Variants in CADM1 observed in about 807,000 individuals in gnomAD.
The protein encoded by CADM1 is TSLC-1.
A neutral mutation model predicts 53.1 loss-of-function variants in CADM1; 15 were observed. That is an observed-to-expected ratio of 0.28 (90% CI 0.19 to 0.44). The LOEUF is 0.44. Among genes scored for constraint, CADM1 ranks in the 20% least tolerant of loss-of-function variants. The pLI is 1.00. For missense variants in CADM1, 434 were observed against 611.3 expected, an observed-to-expected ratio of 0.71 and a Z score of 3.06; for synonymous variants, 281 against 243.0, an observed-to-expected ratio of 1.16 and a Z score of -1.45.
At chr11:115,404,343 AAAAATATATATATATATAT>A (rs1488338301) in intron 1 of CADM1, among the ~76,000 whole-genome samples, 14 of 39,882 alleles carry the variant, frequency 3.5e-4, no homozygotes, top group African/African-American at 9.8e-4. Context: ...AAAAAAAAAA[AAAAATATATATATATATAT>A]ATATATATAT....
chr11:115,282,584 T>C (rs1943616849), intron 1 of CADM1, among the ~76,000 whole-genome samples: 1 of 152,192 alleles, frequency 6.6e-6, no homozygotes, highest in Non-Finnish European at 1.5e-5. Flanking sequence ...CATTCATTTC[T>C]AGGAAAGTGT....
In CADM1 at chr11:115,218,042, C is replaced by T. The variant is rs141329666; in HGVS notation, c.722-51G>A. 575 of 1,309,046 alleles carry T rather than the reference C, an allele frequency of 4.4e-4. No homozygotes were observed. In the African/African-American group the frequency reaches 7.6e-3, roughly 17 times the overall value. 81.1% of individuals were successfully genotyped at this position (1,309,046 alleles called of 1,614,324 possible). On this transcript the variant is annotated intron_variant, in intron 5 of 11. Transcript: ENST00000331581. ...ATGTTTAGCAAATGATATCATCAGGCAAAATCAGACTCACACACTGCCTCA... is the reference window on the plus strand; with the variant it reads ...ATGTTTAGCAAATGATATCATCAGGTAAAATCAGACTCACACACTGCCTCA...
At chr11:115,254,547 C>T (rs1157932791) in intron 1 of CADM1, among the ~76,000 whole-genome samples, 1 of 118,586 alleles carries the variant, frequency 8.4e-6, no homozygotes, top group Non-Finnish European at 1.7e-5. Context: ...GCAAGGGAGA[C>T]AAACACACAC....
chr11:115,349,306 A>G (rs1285695083), intron 1 of CADM1, among the ~76,000 whole-genome samples: 1 of 152,198 alleles, frequency 6.6e-6, no homozygotes, highest in East Asian at 1.9e-4. Context: ...TCCAGATTAC[A>G]TTTCATATGC....
At chr11:115,319,291 C>T (rs1483944162) in intron 1 of CADM1, among the ~76,000 whole-genome samples, 2 of 152,068 alleles carry the variant, frequency 1.3e-5, no homozygotes, top group Non-Finnish European at 2.9e-5. Context: ...CTTTGTCTTT[C>T]CTGCTGCCTA....
intron 1 of CADM1, chr11:115,256,890 CTGGG>C (rs1942806762): frequency 2.2e-6 from 1 of 455,898 alleles, no homozygotes; most frequent in African/African-American, 2.0e-5. Flanking sequence ...CAGTTTTCTG[CTGGG>C]TTACTAAGTG....
At chr11:115,267,036 T>C (rs1943160969) in intron 1 of CADM1, among the ~76,000 whole-genome samples, 1 of 152,230 alleles carries the variant, frequency 6.6e-6, no homozygotes, top group South Asian at 2.1e-4. Context: ...TTAACAATTA[T>C]GCACTGCAGC....
chr11:115,332,561 T>C (rs1481325636), intron 1 of CADM1, among the ~76,000 whole-genome samples: 3 of 151,900 alleles, frequency 2.0e-5, no homozygotes, highest in South Asian at 4.2e-4. Context: ...ATTAGGGAGG[T>C]GAGGTGCAGC....
intron 1 of CADM1, among the ~76,000 whole-genome samples, chr11:115,308,763 TTTCCCTCC>T (rs945150138): frequency 6.7e-6 from 1 of 149,804 alleles, no homozygotes; most frequent in East Asian, 2.0e-4. Context: ...CCTTTCCCTC[TTTCCCTCC>T]TTCCCTCCCT....
At chr11:115,252,085 T>C (rs553782203) in intron 1 of CADM1, among the ~76,000 whole-genome samples, 9 of 152,188 alleles carry the variant, frequency 5.9e-5, no homozygotes, top group South Asian at 2.1e-4. Context: ...TTTTCACTAA[T>C]AGGGGGCAGC....
intron 11 of CADM1, among the ~76,000 whole-genome samples, chr11:115,177,192 A>G (rs1939075778): frequency 6.6e-6 from 1 of 152,188 alleles, no homozygotes; most frequent in Non-Finnish European, 1.5e-5. Flanking sequence ...TTGACATTAT[A>G]ATAGCAGGGA....
rs1296336082 is a variant in CADM1, at chr11:115,248,694, C to T, written c.125-8274G>A. Among the ~76,000 whole-genome samples, 3 of 152,074 alleles carry T rather than the reference C, an allele frequency of 2.0e-5. No individual in the cohort carries two copies. The East Asian group carries it at 5.8e-4, about 29-fold the overall frequency. Reference sequence around the variant, plus strand: ...AGCTGGATAGGTTGCATGGGCTTTTCGTTCATAAGCAAGATAGCATCTTTT... The same window carrying T: ...AGCTGGATAGGTTGCATGGGCTTTTTGTTCATAAGCAAGATAGCATCTTTT... On this transcript the variant is annotated intron_variant, in intron 1 of 11. Coordinates refer to ENST00000331581, the MANE Select transcript of CADM1 (RefSeq NM_001301043.2).
At chr11:115,267,017 G>A (rs1046177087) in intron 1 of CADM1, among the ~76,000 whole-genome samples, 1 of 152,132 alleles carries the variant, frequency 6.6e-6, no homozygotes, top group African/African-American at 2.4e-5. Context: ...TGAGTAGATC[G>A]ACAGCCCTTT....
At chr11:115,238,274 G>C (rs113214700) in intron 3 of CADM1, among the ~76,000 whole-genome samples, 20 of 152,338 alleles carry the variant, frequency 1.3e-4, no homozygotes, top group Non-Finnish European at 2.8e-4. Context: ...TGCTTCTGAA[G>C]CTTGAGGGTT....
chr11:115,364,051 A>C (rs1946095664), intron 1 of CADM1, among the ~76,000 whole-genome samples: 1 of 148,772 alleles, frequency 6.7e-6, no homozygotes, highest in Non-Finnish European at 1.5e-5. Flanking sequence ...ATGATCCACA[A>C]AAAAAAAAAA....
intron 1 of CADM1, among the ~76,000 whole-genome samples, chr11:115,500,323 C>A (rs1456789634): frequency 6.6e-6 from 1 of 152,138 alleles, no homozygotes; most frequent in Admixed American, 6.5e-5. Flanking sequence ...CACACAAAAT[C>A]ATTTCTAAAA....
intron 1 of CADM1, among the ~76,000 whole-genome samples, chr11:115,319,207 A>G (rs1223402938): frequency 6.6e-6 from 1 of 152,098 alleles, no homozygotes; most frequent in East Asian, 1.9e-4. Context: ...CCTCCCTCAC[A>G]TCTAGGTCAT....
chr11:115,390,659 T>C (rs1253809881), intron 1 of CADM1, among the ~76,000 whole-genome samples: 1 of 148,134 alleles, frequency 6.8e-6, no homozygotes, highest in Admixed American at 6.7e-5. Context: ...AGCAAAAGGT[T>C]AGGCTACTCT....
At chr11:115,198,312 G>T in intron 9 of CADM1, 94 bp downstream of exon 9, 2 of 919,662 alleles carry the variant, frequency 2.2e-6, no homozygotes, top group Non-Finnish European at 3.4e-6. Context: ...CTTGAAACAT[G>T]ATTTCCCTTG....
Sources: gnomAD v4.1 joint callset for allele counts (sites outside exome capture counted in the v4.1 genomes callset) on GRCh38, gnomAD v4.1.1 for gene constraint, MANE v1.5 for transcripts, NCBI Gene and HGNC (gene_info 2026-07-23, HGNC 2026-07-21) for gene names.